CSMD1: variants seen among roughly 807,000 people sequenced by gnomAD.
CSMD1 encodes CUB and sushi domain-containing protein 1.
In CSMD1, 213 loss-of-function variants were observed where a neutral mutation model predicts 417.5. The observed-to-expected ratio is 0.51, with a 90% CI of 0.46 to 0.57. The LOEUF (loss-of-function observed/expected upper bound fraction) is 0.57, where lower values mean the gene tolerates loss of function less well. CSMD1 is among the 20% of genes least tolerant of loss of function. The pLI, the probability that CSMD1 is intolerant of heterozygous loss-of-function variation, is 0.00. For synonymous variants in CSMD1, 2,862 were observed against 1,736.8 expected (o/e 1.65, Z -16.11); for missense variants, 6,923 against 4,529.7 (o/e 1.53, Z -15.17).
chr8:3,804,598 A>G (rs577686588), intron 5 of CSMD1, among the ~76,000 whole-genome samples: 1 of 152,304 alleles, frequency 6.6e-6, no homozygotes, highest in South Asian at 2.1e-4. Context: ...CATATTTTGT[A>G]GTATCTTTTT....
intron 5 of CSMD1, among the ~76,000 whole-genome samples, chr8:3,816,671 G>C (rs891457766): frequency 1.3e-5 from 2 of 152,118 alleles, no homozygotes; most frequent in Non-Finnish European, 2.9e-5. Context: ...AAATATTTAA[G>C]ATGGATATCT....
At chr8:3,695,231 G>C (rs567358526) in intron 7 of CSMD1, among the ~76,000 whole-genome samples, 3 of 152,134 alleles carry the variant, frequency 2.0e-5, no homozygotes, top group Admixed American at 6.6e-5. Context: ...AATAAACGCT[G>C]GAAGACTTTG....
chr8:3,307,043 T>A (rs894682279), intron 25 of CSMD1, among the ~76,000 whole-genome samples: 1 of 152,158 alleles, frequency 6.6e-6, no homozygotes, highest in African/African-American at 2.4e-5. Context: ...AATTGCAAAA[T>A]GACACACATT....
intron 21 of CSMD1, among the ~76,000 whole-genome samples, chr8:3,355,823 C>G (rs1260738738): frequency 6.6e-6 from 1 of 152,098 alleles, no homozygotes; most frequent in Non-Finnish European, 1.5e-5. Flanking sequence ...AACTTTTTCT[C>G]TAATTTGCAA....
At chr8:4,794,022 A>G (rs1797841089) in intron 1 of CSMD1, among the ~76,000 whole-genome samples, 1 of 152,176 alleles carries the variant, frequency 6.6e-6, no homozygotes, top group East Asian at 1.9e-4. Flanking sequence ...GCAGTTTCTT[A>G]TAAAACTATC....
chr8:3,968,209 A>T (rs1003789546), intron 5 of CSMD1, among the ~76,000 whole-genome samples: 2 of 141,324 alleles, frequency 1.4e-5, no homozygotes, highest in Non-Finnish European at 3.1e-5. Context: ...TAATAATAAT[A>T]AATAATAAAA....
chr8:3,487,375 G>C (rs1473953561), intron 11 of CSMD1, among the ~76,000 whole-genome samples: 2 of 151,916 alleles, frequency 1.3e-5, no homozygotes, highest in African/African-American at 4.8e-5. Context: ...CTAATTTTTT[G>C]TATTTTTAGT....
rs73658887 is a variant in CSMD1, at chr8:4,431,650, A to C, written c.303-11585T>G. On this transcript the variant is annotated intron_variant, in intron 2 of 69. Transcript: ENST00000635120. ...ACAGACAAACAAAAAACAGAGGCTAACTGGAAAGGAAGAAAAGATAGAGGA... is the reference window on the plus strand; with the variant it reads ...ACAGACAAACAAAAAACAGAGGCTACCTGGAAAGGAAGAAAAGATAGAGGA... 3.3e-3 allele frequency among the ~76,000 whole-genome samples: 499 copies of C among 152,308 alleles called. 3 individuals carry two copies. The highest frequency in any genetic ancestry group is 0.011 in the African/African-American group (476 of 41,578).
intron 23 of CSMD1, among the ~76,000 whole-genome samples, chr8:3,309,099 T>G (rs1484612299): frequency 6.6e-6 from 1 of 152,022 alleles, no homozygotes; most frequent in African/African-American, 2.4e-5. Context: ...CTGGATTCTC[T>G]GGTGAGCCCC....
intron 12 of CSMD1, among the ~76,000 whole-genome samples, chr8:3,445,064 A>C (rs1200803380): frequency 6.6e-6 from 1 of 152,204 alleles, no homozygotes; most frequent in Non-Finnish European, 1.5e-5. Context: ...AATCGGCAAA[A>C]TGTCTACTAT....
At chr8:3,420,403 G>A (rs1283706633) in intron 12 of CSMD1, among the ~76,000 whole-genome samples, 1 of 149,976 alleles carries the variant, frequency 6.7e-6, no homozygotes, top group Non-Finnish European at 1.5e-5. Flanking sequence ...GTGGTTCCTG[G>A]GACAGGAAGA....
intron 6 of CSMD1, among the ~76,000 whole-genome samples, chr8:3,732,735 G>A (rs1437329363): frequency 6.6e-6 from 1 of 152,152 alleles, no homozygotes; most frequent in African/African-American, 2.4e-5. Context: ...ACCTTCAAGA[G>A]TAACACCTGA....
intron 3 of CSMD1, among the ~76,000 whole-genome samples, chr8:4,038,406 A>C (rs1010930548): frequency 6.6e-6 from 1 of 152,232 alleles, no homozygotes; most frequent in Non-Finnish European, 1.5e-5. Flanking sequence ...TGCTAGGTCT[A>C]TGCAAAGATT....
At chr8:3,159,956 G>C (rs1819780378) in intron 38 of CSMD1, among the ~76,000 whole-genome samples, 1 of 152,150 alleles carries the variant, frequency 6.6e-6, no homozygotes, top group South Asian at 2.1e-4. Flanking sequence ...CGATGAGCAA[G>C]AGCAAATATT....
intron 3 of CSMD1, among the ~76,000 whole-genome samples, chr8:4,229,103 T>C (rs1801545390): frequency 6.6e-6 from 1 of 152,216 alleles, no homozygotes; most frequent in Non-Finnish European, 1.5e-5. Context: ...CCAAGTGTGC[T>C]TTTCCACACA....
At position 4,162,308 on chromosome 8, in the gene CSMD1, G is replaced by C. The variant is rs556781214; in HGVS notation, c.416-130209C>G. Among the ~76,000 whole-genome samples, 12 of 152,258 alleles carry C rather than the reference G, an allele frequency of 7.9e-5. No homozygotes were observed. The South Asian group carries it at 2.3e-3, about 29-fold the overall frequency. ...AGTTTGCTAAAGAAAACTCAGCAAA[G>C]TTTAATGGATTTATGTTACTACAAA... is the stretch of plus-strand genomic sequence containing the variant. On this transcript the variant is annotated intron_variant, in intron 3 of 69. Coordinates refer to ENST00000635120, the MANE Select transcript of CSMD1 (RefSeq NM_033225.6).
chr8:4,550,095 T>G (rs1797805110), intron 2 of CSMD1, among the ~76,000 whole-genome samples: 1 of 151,798 alleles, frequency 6.6e-6, no homozygotes, highest in Non-Finnish European at 1.5e-5. Flanking sequence ...AGGCGTGGGT[T>G]GCTCGGTAGA....
intron 7 of CSMD1, among the ~76,000 whole-genome samples, chr8:3,688,629 A>C (rs374139194): frequency 2.6e-5 from 4 of 152,244 alleles, no homozygotes; most frequent in African/African-American, 9.6e-5. Context: ...ACTTAGCAAA[A>C]ATACAAATTC....
chr8:4,513,550 G>C (rs1460853373), intron 2 of CSMD1, among the ~76,000 whole-genome samples: 2 of 152,140 alleles, frequency 1.3e-5, no homozygotes, highest in African/African-American at 4.8e-5. Context: ...AAATCTTCTA[G>C]AGAATCATAT....
Sources: allele counts gnomAD v4.1 joint callset (sites outside exome capture counted in the v4.1 genomes callset), GRCh38; gene constraint gnomAD v4.1.1; transcripts MANE v1.5; gene names NCBI Gene and HGNC (gene_info 2026-07-23, HGNC 2026-07-21).